Variants in DMD observed in about 807,000 individuals in gnomAD.
DMD encodes the protein dystrophin, also known as mutant dystrophin.
A neutral mutation model predicts 330.1 loss-of-function variants in DMD; 63 were observed. The observed-to-expected ratio is 0.19, with a 90% CI of 0.16 to 0.24. DMD has a LOEUF of 0.24. Ranked by LOEUF, DMD falls within the 10% of genes least tolerant of loss-of-function variation. DMD has a pLI of 1.00. For synonymous variants in DMD, 1,223 were observed against 959.8 expected (o/e 1.27, Z -5.07); for missense variants, 3,344 against 2,684.1 (o/e 1.25, Z -5.43).
At chrX:31,722,983 G>A (rs2085692264) in intron 52 of DMD, among the ~76,000 whole-genome samples, 2 of 110,038 alleles carry the variant, frequency 1.8e-5, no homozygotes, top group Non-Finnish European at 3.8e-5. Context: ...GGGAGGCGGA[G>A]TTGCAGTGAG....
intron 55 of DMD, among the ~76,000 whole-genome samples, chrX:31,623,873 C>A (rs1256266787): frequency 1.8e-5 from 2 of 110,884 alleles, no homozygotes; most frequent in Non-Finnish European, 3.8e-5. Flanking sequence ...TCACCACATA[C>A]CCACACCCCC....
At chrX:33,075,306 G>A (rs922721423) in intron 1 of DMD, among the ~76,000 whole-genome samples, 4 of 111,641 alleles carry the variant, frequency 3.6e-5, no homozygotes, top group Admixed American at 9.6e-5. Context: ...CACCTATTGC[G>A]TAGCTTTCCA....
At chrX:32,621,071 C>A (rs1405032957) in intron 11 of DMD, among the ~76,000 whole-genome samples, 1 of 111,187 alleles carries the variant, frequency 9.0e-6, no homozygotes, top group East Asian at 2.9e-4. Context: ...ACATATAGCT[C>A]AACAGGCCAT....
At chrX:32,517,910 G>A (rs768281998) in intron 18 of DMD, 98 bp downstream of exon 18, 17 of 907,948 alleles carry the variant, frequency 1.9e-5, no homozygotes, top group African/African-American at 3.9e-5. Context: ...TTATCATATC[G>A]CATTAATCTA....
At chrX:33,082,192 T>C (rs1233901116) in intron 1 of DMD, among the ~76,000 whole-genome samples, 1 of 112,150 alleles carries the variant, frequency 8.9e-6, no homozygotes, top group African/African-American at 3.2e-5. Context: ...GCCTTTTAAA[T>C]ATATCTATAG....
At chrX:31,840,445 A>C (rs1183598704) in intron 48 of DMD, among the ~76,000 whole-genome samples, 1 of 110,886 alleles carries the variant, frequency 9.0e-6, no homozygotes, top group East Asian at 2.8e-4. Flanking sequence ...TGCACATATA[A>C]TACACATACA....
intron 15 of DMD, 119 bp from the exon 16 acceptor site, chrX:32,566,000 G>A: frequency 4.8e-6 from 3 of 620,712 alleles, no homozygotes; most frequent in Non-Finnish European, 7.6e-6. Flanking sequence ...TTTCAATCGT[G>A]CCCGCAAAGG....
rs749755176 is a variant in DMD at position 33,305,342 on chromosome X, T to C, written c.7+33917A>G. The stretch of plus-strand genomic sequence containing the variant: ...ACAAAAAACCAAACACCGCATGTTC[T>C]CACTCATAGGTGGGAACTGAACAAT... On this transcript the variant is annotated intron_variant, in intron 1 of 17. Transcript: ENST00000288447. 1.8e-4 allele frequency among the ~76,000 whole-genome samples: 18 copies of C among 100,986 alleles called. 1 individual carries two copies. In the South Asian group the frequency reaches 9.1e-3, roughly 51 times the overall value. 87.7% of individuals were successfully genotyped at this position (100,986 alleles called of 115,157 possible). A position where few individuals can be genotyped will look rare whatever the true frequency, so the allele number is the denominator to read the frequency against.
chrX:32,840,894 G>GT (rs897543076), intron 4 of DMD, among the ~76,000 whole-genome samples: 12 of 111,751 alleles, frequency 1.1e-4, no homozygotes, highest in African/African-American at 3.6e-4. Context: ...ACTGGGAAAT[G>GT]TATTTCTGTA....
intron 60 of DMD, among the ~76,000 whole-genome samples, chrX:31,351,386 A>G (rs1415011301): frequency 9.0e-6 from 1 of 110,912 alleles, no homozygotes; most frequent in Non-Finnish European, 1.9e-5. Context: ...TAATTGCTCA[A>G]TAAATGTTAC....
chrX:31,185,225 T>C (rs2041648552), intron 67 of DMD, among the ~76,000 whole-genome samples: 1 of 112,054 alleles, frequency 8.9e-6, no homozygotes, highest in Admixed American at 9.4e-5. Flanking sequence ...ACCTGTGATT[T>C]AGAGTCTTTA....
chrX:32,619,868 G>A (rs1336063071), intron 11 of DMD, among the ~76,000 whole-genome samples: 1 of 111,783 alleles, frequency 8.9e-6, no homozygotes. Flanking sequence ...TGTTGCCGGA[G>A]CTCAGTGAGA....
chrX:31,594,925 A>G (rs941692065), intron 55 of DMD, among the ~76,000 whole-genome samples: 2 of 111,622 alleles, frequency 1.8e-5, no homozygotes, highest in African/African-American at 3.2e-5. Context: ...GCACGGTGGA[A>G]GAGTTTTTAA....
chrX:33,325,230 G>A (rs1234295419), intron 1 of DMD, among the ~76,000 whole-genome samples: 1 of 111,510 alleles, frequency 9.0e-6, no homozygotes, highest in East Asian at 2.8e-4. Flanking sequence ...AAAAAGCATC[G>A]ACATAAATGA....
chrX:32,586,316 T>C (rs1262794279), intron 13 of DMD, among the ~76,000 whole-genome samples: 2 of 109,298 alleles, frequency 1.8e-5, no homozygotes, highest in African/African-American at 6.7e-5. Flanking sequence ...TGACAGGTGT[T>C]AATATATATA....
At chrX:31,947,437 C>T (rs754522038) in intron 45 of DMD, among the ~76,000 whole-genome samples, 1 of 112,070 alleles carries the variant, frequency 8.9e-6, no homozygotes, top group South Asian at 3.7e-4. Context: ...TTTTAATTTT[C>T]ATTTAACAGC....
chrX:32,651,985 T>A (rs940348394), intron 9 of DMD, among the ~76,000 whole-genome samples: 2 of 111,448 alleles, frequency 1.8e-5, no homozygotes, highest in African/African-American at 6.5e-5. Context: ...TCTTCACTAT[T>A]GCAGAACCAC....
At chrX:31,483,085 C>T (rs189778130) in intron 57 of DMD, among the ~76,000 whole-genome samples, 5 of 86,938 alleles carry the variant, frequency 5.8e-5, no homozygotes, top group Non-Finnish European at 8.6e-5. Flanking sequence ...CTCGCTCTGT[C>T]GCCCAGGCTG....
intron 50 of DMD, among the ~76,000 whole-genome samples, chrX:31,786,939 T>A (rs6527118): frequency 0.12 from 13,079 of 111,866 alleles, 615 homozygotes; most frequent in East Asian, 0.25. Context: ...ACTTTCTGTG[T>A]GCAACTTTTT....
Sources: allele counts gnomAD v4.1 joint callset (sites outside exome capture counted in the v4.1 genomes callset), GRCh38; gene constraint gnomAD v4.1.1; transcripts MANE v1.5; gene names NCBI Gene and HGNC (gene_info 2026-07-23, HGNC 2026-07-21).